GUCA1B: variants seen among roughly 807,000 people sequenced by gnomAD.
GUCA1B encodes the protein guanylyl cyclase-activating protein 2.
In GUCA1B, 22 loss-of-function variants were observed where a neutral mutation model predicts 24.2. The ratio of observed to expected loss-of-function variants is 0.91; its 90% CI spans 0.65 to 1.30. The LOEUF (loss-of-function observed/expected upper bound fraction) is 1.30. GUCA1B is among the 50% of genes most tolerant of loss of function. GUCA1B has a pLI of 0.00. For synonymous variants in GUCA1B, 100 were observed against 97.9 expected (o/e 1.02, Z -0.13); for missense variants, 221 against 258.8 (o/e 0.85, Z 1.00).
chr6:42,189,238 A>G (rs749233069), intron 1 of GUCA1B, among the ~76,000 whole-genome samples: 6 of 152,028 alleles, frequency 3.9e-5, no homozygotes, highest in Non-Finnish European at 7.4e-5. Context: ...CACAGCCTCT[A>G]CTGTCTATTC....
In GUCA1B at chr6:42,192,410, AGG is replaced by A. The variant is rs1356777287; in HGVS notation, c.207+2202_207+2203del. 1.8e-3 allele frequency among the ~76,000 whole-genome samples: 248 copies of A among 138,904 alleles called. 26 individuals are homozygous for A. Among genetic ancestry groups the A allele is most frequent in the African/African-American group, 7.3e-3 (232 of 31,728 alleles). 91.1% of individuals were successfully genotyped at this position (138,904 alleles called of 152,430 possible). On this transcript the variant is annotated intron_variant, in intron 1 of 3. Coordinates refer to ENST00000230361, the MANE Select transcript of GUCA1B (RefSeq NM_002098.6). ...GAAAAGAAAAGAAAAGAAAAGAAAA[AGG>A]AAAAAAGAAAGAAACCTGGCCGGGT...
At chr6:42,193,075 TG>T (rs1768337459) in intron 1 of GUCA1B, among the ~76,000 whole-genome samples, 1 of 150,502 alleles carries the variant, frequency 6.6e-6, no homozygotes, top group African/African-American at 2.5e-5. Flanking sequence ...TGTGAATAAC[TG>T]GGGAAATTTG....
rs1453574036 is a variant in GUCA1B at position 42,188,745 on chromosome 6, G to A, written c.208-14C>T. 6.2e-7 allele frequency: 1 copy of A among 1,610,888 alleles called. No homozygotes were observed. Among genetic ancestry groups the A allele is most frequent in the Non-Finnish European group, 8.5e-7 (1 of 1,178,578 alleles). On this transcript the variant is annotated splice_polypyrimidine_tract_variant and intron_variant, in intron 1 of 3. Transcript: ENST00000230361. ...GATGGTGTTGTCCTGCATTAGATGT[G>A]GATGCTGCTGAGGGCACAGCCCACC...
In GUCA1B at chr6:42,194,685, A is replaced by C; in HGVS notation, c.136T>G (p.Phe46Val). 1.2e-6 allele frequency: 2 copies of C among 1,613,768 alleles called. No homozygotes were observed. Among genetic ancestry groups the C allele is most frequent in the Non-Finnish European group, 1.7e-6 (2 of 1,179,698 alleles). Residue 46 changes from phenylalanine (F) to valine (V), a missense_variant, in exon 1 of 4, where the codon TTC becomes GTC. Physicochemically the swap from Phe to Val is conservative, Grantham distance 50. Transcript: ENST00000230361. ...GCCTCCTCATCGTCTGTGACCTTGA[A>C]GAAGCGCTTAAACTCATGCATAAAG... ...TLFMHEFKRFFKVTDDEEASQ... is the reference protein window; with the variant it reads ...TLFMHEFKRFVKVTDDEEASQ...
At chr6:42,192,642 G>A (rs1005089203) in intron 1 of GUCA1B, among the ~76,000 whole-genome samples, 2 of 152,092 alleles carry the variant, frequency 1.3e-5, no homozygotes, top group South Asian at 2.1e-4. Flanking sequence ...AACTCAGGAG[G>A]TGGAGATTGC....
chr6:42,187,692 G>T (rs1007124053), intron 2 of GUCA1B, among the ~76,000 whole-genome samples: 2 of 151,914 alleles, frequency 1.3e-5, no homozygotes, highest in African/African-American at 4.8e-5. Context: ...CAAAGTGCTG[G>T]GGTTACATGT....
At chr6:42,185,027 T>C in intron 3 of GUCA1B, 85 bp from the exon 4 acceptor site, 1 of 1,302,968 alleles carries the variant, frequency 7.7e-7, no homozygotes. Flanking sequence ...GCTCCCAGGA[T>C]GCGCCTACAC....
intron 2 of GUCA1B, among the ~76,000 whole-genome samples, chr6:42,188,092 C>T (rs1768227828): frequency 6.6e-6 from 1 of 152,004 alleles, no homozygotes. Flanking sequence ...GCAATCCTCC[C>T]ACCTCAGCCT....
Position 42,194,732 on chromosome 6 carries a change from A to T in GUCA1B, c.89T>A (p.Met30Lys). ...ELQEWYKKFV[M>K]ECPSGTLFMH... ...AAAGAGTGTGCCGCTGGGGCACTCCATCACAAACTTCTTGTACCACTCCTG... is the reference window on the plus strand; with the variant it reads ...AAAGAGTGTGCCGCTGGGGCACTCCTTCACAAACTTCTTGTACCACTCCTG... Residue 30 changes from methionine to lysine, a missense_variant, in exon 1 of 4, where the codon ATG becomes AAG. Physicochemically the swap from Met to Lys is moderately conservative, Grantham distance 95. Transcript: ENST00000230361. 6.2e-7 allele frequency: 1 copy of T among 1,612,440 alleles called. No homozygotes were observed. Among genetic ancestry groups the T allele is most frequent in the Non-Finnish European group, 8.5e-7 (1 of 1,178,978 alleles).
chr6:42,194,887 C>T lies in GUCA1B; in HGVS notation c.-67G>A. 1 of 1,157,036 alleles carries T rather than the reference C, an allele frequency of 8.6e-7. No homozygotes were observed. Among genetic ancestry groups the T allele is most frequent in the Middle Eastern group, 2.7e-4 (1 of 3,736 alleles). The allele number at this position is 1,157,036 out of a possible 1,614,324, so 71.7% of individuals were successfully genotyped here. A position where few individuals can be genotyped will look rare whatever the true frequency, so the allele number is the denominator to read the frequency against. On this transcript the variant is annotated 5_prime_UTR_variant, in exon 1 of 4. Transcript: ENST00000230361. ...CTCCCTGGCTTCTGCTGATGGATCT[C>T]TCCAACTAGGGCCCTCTTCCTCCCT...
At chr6:42,186,457 G>GT (rs1264422733) in intron 2 of GUCA1B, among the ~76,000 whole-genome samples, 1 of 152,284 alleles carries the variant, frequency 6.6e-6, no homozygotes. Flanking sequence ...GCTGGGCAAG[G>GT]TGGTGGGCGC....
chr6:42,193,623 C>T (rs1353655371), intron 1 of GUCA1B, among the ~76,000 whole-genome samples: 1 of 152,144 alleles, frequency 6.6e-6, no homozygotes, highest in Non-Finnish European at 1.5e-5. Context: ...GTGGGGTGGT[C>T]GATGGGGTTC....
chr6:42,194,264 C>T (rs574833710), intron 1 of GUCA1B, among the ~76,000 whole-genome samples: 1 of 152,154 alleles, frequency 6.6e-6, no homozygotes, highest in African/African-American at 2.4e-5. Flanking sequence ...CTGGCAGATG[C>T]GAAAACCCGG....
intron 1 of GUCA1B, among the ~76,000 whole-genome samples, chr6:42,192,332 T>C (rs13208764): frequency 0.58 from 70,977 of 122,680 alleles, 21,286 homozygotes; most frequent in East Asian, 0.85. Context: ...ACAGCCAGGG[T>C]GACAGAGCGA....
Position 42,185,723 on chromosome 6 carries a change from C to CTG in GUCA1B, c.431_432insCA (p.Glu144AspfsTer21), listed in dbSNP as rs1165396779. The stretch of plus-strand genomic sequence containing the variant: ...CCAGGAGGAAGATCCTGTCCACGAC[C>CTG]TCCTCGGGTGTGAGCAGCTGGCCTT... On this transcript the variant is annotated frameshift_variant, in exon 3 of 4. Transcript: ENST00000230361. LOFTEE classifies it high-confidence loss of function. 6.2e-7 allele frequency: 1 copy of CTG among 1,612,218 alleles called. No individual in the cohort carries two copies. Among genetic ancestry groups the CTG allele is most frequent in the African/African-American group, 1.3e-5 (1 of 74,898 alleles).
intron 1 of GUCA1B, among the ~76,000 whole-genome samples, 182 bp from the exon 2 acceptor site, chr6:42,188,913 A>ATCTC (rs969454433): frequency 4.4e-5 from 6 of 135,444 alleles, no homozygotes; most frequent in Middle Eastern, 3.8e-3. Flanking sequence ...TATCTATATC[A>ATCTC]TCTCTCTCTC....
intron 2 of GUCA1B, 72 bp downstream of exon 2, chr6:42,188,510 T>C (rs1768236098): frequency 2.7e-6 from 4 of 1,462,822 alleles, no homozygotes; most frequent in Non-Finnish European, 3.8e-6. Context: ...CGCTGGCCAC[T>C]TGTGGCCAAC....
intron 1 of GUCA1B, among the ~76,000 whole-genome samples, chr6:42,190,648 C>T (rs892340349): frequency 1.3e-5 from 2 of 152,048 alleles, no homozygotes; most frequent in Non-Finnish European, 2.9e-5. Context: ...GAGCCTGAGA[C>T]CCAGAGGTTC....
In GUCA1B at chr6:42,183,296, G is replaced by A. The variant is rs1003583745; in HGVS notation, c.*1519C>T. Among the ~76,000 whole-genome samples, 1 of 152,116 alleles carries A rather than the reference G, an allele frequency of 6.6e-6. No homozygotes were observed. The highest frequency in any genetic ancestry group is 2.4e-5 in the African/African-American group (1 of 41,408). ...CACCTGTAAAGTCTCAGGTTTAATAGGTTAGTTTTATTTCTTATATACCAA... is the reference window on the plus strand; with the variant it reads ...CACCTGTAAAGTCTCAGGTTTAATAAGTTAGTTTTATTTCTTATATACCAA... On this transcript the variant is annotated 3_prime_UTR_variant, in exon 4 of 4. Coordinates refer to ENST00000230361, the MANE Select transcript of GUCA1B (RefSeq NM_002098.6).
Sources: allele counts gnomAD v4.1 joint callset (sites outside exome capture counted in the v4.1 genomes callset), GRCh38; gene constraint gnomAD v4.1.1; transcripts MANE v1.5; gene names NCBI Gene and HGNC (gene_info 2026-07-23, HGNC 2026-07-21).